The following ASPM variants were observed in gnomAD, a reference collection of about 807,000 sequenced individuals.
ASPM encodes the protein abnormal spindle-like microcephaly-associated protein.
Under a neutral mutation model 366.4 loss-of-function variants are expected in ASPM, and 256 were observed. The ratio of observed to expected loss-of-function variants is 0.70; its 90% confidence interval spans 0.63 to 0.77. The LOEUF is 0.77. Ranked by LOEUF, ASPM falls within the 30% of genes least tolerant of loss-of-function variation. ASPM has a pLI of 0.00. For synonymous variants in ASPM, 1,414 were observed against 1,342.9 expected (o/e 1.05, Z -1.16); for missense variants, 4,146 against 4,090.4 (o/e 1.01, Z -0.37).
At position 197,084,194 on chromosome 1, in the gene ASPM, A is replaced by G. The variant is rs1656508100; in HGVS notation, c.*130T>C. 1.5e-6 allele frequency: 1 copy of G among 674,334 alleles called. No homozygotes were observed. Among genetic ancestry groups the G allele is most frequent in the South Asian group, 1.7e-5 (1 of 58,314 alleles). The allele number at this position is 674,334 out of a possible 1,614,324, so 41.8% of individuals were successfully genotyped here. A position where few individuals can be genotyped will look rare whatever the true frequency, so the allele number is the denominator to read the frequency against. The stretch of plus-strand genomic sequence containing the variant: ...AATGATAAAAATGAAGAATGTAATG[A>G]ACAGTTTATGTTTTTTTAAAACAAA... On this transcript the variant is annotated 3_prime_UTR_variant, in exon 28 of 28. Coordinates refer to ENST00000367409, the MANE Select transcript of ASPM (RefSeq NM_018136.5).
chr1:197,117,803 C>T lies in ASPM; in HGVS notation c.4051G>A (p.Ala1351Thr). ...GGATACTATACCTGAATAAGTGATGCTGCTTTATTTTGAACTTTTTCCAGC... is the reference window on the plus strand; with the variant it reads ...GGATACTATACCTGAATAAGTGATGTTGCTTTATTTTGAACTTTTTCCAGC... ...EKLEKVQNKA[A>T]SLIQGYWRRY... Residue 1351 changes from alanine to threonine, a missense_variant, in exon 17 of 28, where the codon GCA becomes ACA. Transcript: ENST00000367409. 6.2e-7 allele frequency: 1 copy of T among 1,612,058 alleles called. No individual in the cohort carries two copies. The highest frequency in any genetic ancestry group is 1.1e-5 in the South Asian group (1 of 90,714).
At chr1:197,131,584 G>A (rs937280402) in intron 7 of ASPM, among the ~76,000 whole-genome samples, 2 of 145,074 alleles carry the variant, frequency 1.4e-5, no homozygotes, top group South Asian at 2.2e-4. Flanking sequence ...AAGGAGTCTC[G>A]CTCTGTCACC....
At chr1:197,091,161 C>T (rs776276605) in intron 22 of ASPM, 120 bp from the exon 23 acceptor site, 1 of 946,064 alleles carries the variant, frequency 1.1e-6, no homozygotes, top group Non-Finnish European at 1.6e-6. Context: ...AATCTTTCAG[C>T]TTTCCACAGA....
intron 17 of ASPM, among the ~76,000 whole-genome samples, chr1:197,115,928 C>T (rs1486845564): frequency 6.6e-6 from 1 of 152,040 alleles, no homozygotes; most frequent in Non-Finnish European, 1.5e-5. Flanking sequence ...TTGCATTAGC[C>T]CCTAATAAGA....
intron 10 of ASPM, 134 bp from the exon 11 acceptor site, chr1:197,125,325 T>G (rs958800164): frequency 9.0e-7 from 1 of 1,108,994 alleles, no homozygotes; most frequent in Middle Eastern, 2.1e-4. Context: ...TTCAAAAAAC[T>G]ATCTCAAAAC....
Position 197,129,214 on chromosome 1 carries a change from A to G in ASPM, c.2733T>C (p.Cys911=), listed in dbSNP as rs762240074. ...KISRLIDHDP[C]LFCKDAEFKA... ...TGAATTCGGCATCTTTACAGAAGAG[A>G]CAAGGATCATGATCAATGAGTCTGG... The change falls in exon 9 of 28, where the codon TGT becomes TGC. Residue 911 remains cysteine, a synonymous_variant. Coordinates refer to ENST00000367409, the MANE Select transcript of ASPM (RefSeq NM_018136.5). The G allele has an allele frequency of 6.2e-7, 1 of 1,612,678 alleles. No homozygotes were observed. The highest frequency in any genetic ancestry group is 1.3e-5 in the African/African-American group (1 of 75,008).
intron 23 of ASPM, 105 bp from the exon 24 acceptor site, chr1:197,090,493 A>G (rs1334089144): frequency 2.1e-6 from 2 of 931,748 alleles, no homozygotes; most frequent in African/African-American, 3.4e-5. Context: ...TTTATTTGAC[A>G]TGATCACATA....
Position 197,104,736 on chromosome 1 carries a change from C to CT in ASPM, c.4514dup (p.Leu1506ValfsTer3). 6.2e-7 allele frequency: 1 copy of CT among 1,606,764 alleles called. No individual in the cohort carries two copies. Among genetic ancestry groups the CT allele is most frequent in the Non-Finnish European group, 8.5e-7 (1 of 1,177,264 alleles). ...TGGACTCTTTTCTTCTTTTATATAACTTTTGGGCTTGAAAGCACCGAAATC... is the reference window on the plus strand; with the variant it reads ...TGGACTCTTTTCTTCTTTTATATAACTTTTTGGGCTTGAAAGCACCGAAATC... On this transcript the variant is annotated frameshift_variant, in exon 18 of 28. Coordinates refer to ENST00000367409, the MANE Select transcript of ASPM (RefSeq NM_018136.5). LOFTEE classifies it high-confidence loss of function.
In ASPM at chr1:197,103,626, C is replaced by G. The variant is rs1317702757; in HGVS notation, c.5625G>C (p.Lys1875Asn). 2.5e-6 allele frequency: 4 copies of G among 1,612,732 alleles called. No homozygotes were observed. Among genetic ancestry groups the G allele is most frequent in the Non-Finnish European group, 3.4e-6 (4 of 1,179,414 alleles). Residue 1875 changes from lysine to asparagine, a missense_variant, in exon 18 of 28, where the codon AAG becomes AAC. This residue lies in a region of ASPM where 3,624 missense variants were observed against 3,591.7 expected (regional missense o/e 1.01). Transcript: ENST00000367409. Reference protein sequence around the residue: ...HDTRTHFLKTKAAVISLQSAY... With the variant: ...HDTRTHFLKTNAAVISLQSAY... ...CAGACTGGAGGGAAATCACAGCTGC[C>G]TTTGTCTTCAAAAAATGTGTTCTTG... is the stretch of plus-strand genomic sequence containing the variant.
In ASPM at chr1:197,104,287, A is replaced by T. The variant is rs531576469; in HGVS notation, c.4964T>A (p.Ile1655Asn). 2 of 1,613,092 alleles carry T rather than the reference A, an allele frequency of 1.2e-6. No homozygotes were observed. The highest frequency in any genetic ancestry group is 1.7e-6 in the Non-Finnish European group (2 of 1,179,432). ...GMQARKMYIH[I>N]LTSVIKIQSY... is the part of the protein sequence containing the mutation. ...TTGAATCTTTATAACAGATGTGAGG[A>T]TGTGAATATACATTTTCCTGGCTTG... Residue 1655 changes from isoleucine to asparagine, a missense_variant, in exon 18 of 28, where the codon ATC (isoleucine) becomes AAC (asparagine). Coordinates refer to ENST00000367409, the MANE Select transcript of ASPM (RefSeq NM_018136.5).
In ASPM at chr1:197,090,112, C is replaced by T. The variant is rs369653271; in HGVS notation, c.9830-28G>A. Reference sequence around the variant, plus strand: ...GAAAGAAAAAAAAAACACACACACACAGGTAAATTTACAGCAACAAAATGA... The same window carrying T: ...GAAAGAAAAAAAAAACACACACACATAGGTAAATTTACAGCAACAAAATGA... On this transcript the variant is annotated intron_variant, in intron 24 of 27. Coordinates refer to ENST00000367409, the MANE Select transcript of ASPM (RefSeq NM_018136.5). 3.1e-6 allele frequency: 5 copies of T among 1,612,714 alleles called. No homozygotes were observed. In the East Asian group the frequency reaches 8.9e-5, roughly 29 times the overall value.
chr1:197,092,079 T>C (rs761724782), intron 21 of ASPM, 23 bp from the exon 22 acceptor site: 6 of 1,609,980 alleles, frequency 3.7e-6, no homozygotes, highest in Non-Finnish European at 5.1e-6. Flanking sequence ...AAACAAAGCA[T>C]ATTCAAGTAT....
rs752436010 is a variant in ASPM, at chr1:197,142,379, A to T, written c.1873T>A (p.Ser625Thr). The T allele has an allele frequency of 8.1e-6, 13 of 1,613,814 alleles. No individual in the cohort carries two copies. The Admixed American group carries it at 8.3e-5, about 10-fold the overall frequency. The change falls in exon 3 of 28, where the codon TCA becomes ACA. Residue 625 changes from serine to threonine, a missense_variant. Physicochemically the swap from Ser to Thr is moderately conservative, Grantham distance 58. Transcript: ENST00000367409. Reference protein sequence around the residue: ...KKTKNVTTPISKRISNREKLN... With the variant: ...KKTKNVTTPITKRISNREKLN... ...TTCTCTCTGTTGCTAATACGTTTTG[A>T]GATGGGTGTTGTCACATTTTTTGTT...
chr1:197,118,234 T>C lies in ASPM; in HGVS notation c.3871-251A>G, dbSNP rs60769813. Among the ~76,000 whole-genome samples, 2,046 of 152,256 alleles carry C rather than the reference T, an allele frequency of 0.013. 48 individuals carry two copies. The highest frequency in any genetic ancestry group is 0.046 in the African/African-American group (1,910 of 41,552). On this transcript the variant is annotated intron_variant, in intron 16 of 27. Coordinates refer to ENST00000367409, the MANE Select transcript of ASPM (RefSeq NM_018136.5). ...AATAGTCTAAGATAAAGATTAGACATGTTTGATCTATCACAGATCCTCAGT... is the reference window on the plus strand; with the variant it reads ...AATAGTCTAAGATAAAGATTAGACACGTTTGATCTATCACAGATCCTCAGT...
intron 4 of ASPM, among the ~76,000 whole-genome samples, chr1:197,137,809 G>T (rs185809409): frequency 6.6e-6 from 1 of 152,046 alleles, no homozygotes; most frequent in Non-Finnish European, 1.5e-5. Context: ...TAACTTTAGC[G>T]TATACCCCAA....
chr1:197,085,213 T>TA (rs1052659356), intron 27 of ASPM, among the ~76,000 whole-genome samples: 1 of 152,198 alleles, frequency 6.6e-6, no homozygotes, highest in African/African-American at 2.4e-5. Context: ...TGCATATTAC[T>TA]AAAAATGTTT....
At chr1:197,108,867 A>C (rs1657492985) in intron 17 of ASPM, among the ~76,000 whole-genome samples, 1 of 147,990 alleles carries the variant, frequency 6.8e-6, no homozygotes, top group South Asian at 2.2e-4. Flanking sequence ...GCTACTTGGG[A>C]GGCTGAGGTG....
chr1:197,128,149 G>A (rs1022875384), intron 10 of ASPM, among the ~76,000 whole-genome samples: 2 of 150,762 alleles, frequency 1.3e-5, no homozygotes, highest in Non-Finnish European at 3.0e-5. Flanking sequence ...GGGCAACAGA[G>A]CAAGACTCCG....
At chr1:197,091,848 T>C (rs1656795060) in intron 22 of ASPM, 59 bp downstream of exon 22, 4 of 1,550,728 alleles carry the variant, frequency 2.6e-6, no homozygotes, top group Non-Finnish European at 3.5e-6. Flanking sequence ...TTATTACATA[T>C]CAAAAATTTC....
Sources: gnomAD v4.1 joint callset for allele counts (sites outside exome capture counted in the v4.1 genomes callset) on GRCh38, gnomAD v4.1.1 for gene constraint, gnomAD v4.1.1 regional missense constraint, MANE v1.5 for transcripts, NCBI Gene and HGNC (gene_info 2026-07-23, HGNC 2026-07-21) for gene names.